Variants in D2HGDH observed in about 807,000 individuals in gnomAD.
D2HGDH encodes D-2-hydroxyglutarate dehydrogenase.
In D2HGDH, 31 loss-of-function variants were observed where a neutral mutation model predicts 46.9. The observed-to-expected ratio is 0.66, with a 90% confidence interval of 0.50 to 0.89. The LOEUF (loss-of-function observed/expected upper bound fraction) is 0.89, where lower values mean the gene tolerates loss of function less well. Among genes scored for constraint, D2HGDH ranks in the 40% least tolerant of loss-of-function variants. The pLI, the probability that D2HGDH is intolerant of heterozygous loss-of-function variation, is 0.00. For synonymous variants in D2HGDH, 364 were observed against 332.6 expected, an observed-to-expected ratio of 1.09 and a Z score of -1.03; for missense variants, 698 against 720.8, an observed-to-expected ratio of 0.97 and a Z score of 0.36.
At chr2:241,740,677 T>G (rs1694196198) in intron 2 of D2HGDH, among the ~76,000 whole-genome samples, 1 of 152,228 alleles carries the variant, frequency 6.6e-6, no homozygotes, top group Non-Finnish European at 1.5e-5. Flanking sequence ...CTGGGCATGG[T>G]GGCTCATGCC....
chr2:241,755,560 C>A, intron 8 of D2HGDH: 1 of 1,427,538 alleles, frequency 7.0e-7, no homozygotes, highest in African/African-American at 1.4e-5. Flanking sequence ...CCAGGGTGCT[C>A]GGTGCTGTCG....
intron 9 of D2HGDH, among the ~76,000 whole-genome samples, chr2:241,761,911 G>A (rs1056152205): frequency 1.4e-4 from 22 of 152,048 alleles, no homozygotes; most frequent in South Asian, 6.2e-4. Context: ...GTGGATTTCC[G>A]TGGTTCTGGG....
intron 5 of D2HGDH, 145 bp from the exon 6 acceptor site, chr2:241,744,564 G>A: frequency 2.0e-6 from 2 of 1,001,300 alleles, no homozygotes; most frequent in Non-Finnish European, 3.0e-6. Context: ...TGTGTGGAGG[G>A]TGTCACTCGT....
chr2:241,751,262 C>T lies in D2HGDH; in HGVS notation c.1014C>T (p.Val338=), dbSNP rs752623097. 9 of 1,614,026 alleles carry T rather than the reference C, an allele frequency of 5.6e-6. No individual in the cohort carries two copies. The highest frequency in any genetic ancestry group is 2.7e-5 in the African/African-American group (2 of 75,062). The change falls in exon 8 of 10, where the codon GTC becomes GTT. Residue 338 remains valine (V), a synonymous_variant. Transcript: ENST00000321264. ...CACTTCTAGAGAGTCCGTTTTACGTCCTCATCGAGACTTCAGGCTCCAACG... is the reference window on the plus strand; with the variant it reads ...CACTTCTAGAGAGTCCGTTTTACGTTCTCATCGAGACTTCAGGCTCCAACG... ...ASPVQESPFY[V]LIETSGSNAG... is the part of the protein sequence containing the mutation.
chr2:241,735,331 G>T lies in D2HGDH; in HGVS notation c.107G>T (p.Cys36Phe), dbSNP rs762478969. Residue 36 changes from cysteine (C) to phenylalanine (F), a missense_variant, in exon 2 of 10, where the codon TGC becomes TTC. Coordinates refer to ENST00000321264, the MANE Select transcript of D2HGDH (RefSeq NM_152783.5). ...RPVGPLARRGCCSAPGTPEVP... is the reference protein window; with the variant it reads ...RPVGPLARRGFCSAPGTPEVP... ...GTTGGCCCCCTGGCCCGCAGAGGCT[G>T]CTGCTCCGCCCCGGGGACCCCCGAG... 8.4e-6 allele frequency: 13 copies of T among 1,546,826 alleles called. No individual in the cohort carries two copies. Among genetic ancestry groups the T allele is most frequent in the Admixed American group, 2.0e-5 (1 of 51,204 alleles).
rs1175191337 is a variant in D2HGDH, at chr2:241,742,372, C to T, written c.351-63C>T. On this transcript the variant is annotated intron_variant, in intron 3 of 9. Transcript: ENST00000321264. The surrounding 1 kb of genome is among the most constrained non-coding windows in gnomAD (Gnocchi z 4.8). ...GTCAGGCACTGGTCCTGCGGCGTGT[C>T]CTTGGGGATGGTGGCGTAGGGGTGG... 1 of 1,542,280 alleles carries T rather than the reference C, an allele frequency of 6.5e-7. No individual in the cohort carries two copies. The highest frequency in any genetic ancestry group is 2.4e-5 in the East Asian group (1 of 41,154).
intron 8 of D2HGDH, among the ~76,000 whole-genome samples, chr2:241,753,009 C>G (rs1218806771): frequency 6.6e-6 from 1 of 152,036 alleles, no homozygotes; most frequent in African/African-American, 2.4e-5. Flanking sequence ...CAGCCTGGTC[C>G]AGTCCTAGAC....
chr2:241,756,084 C>T, intron 9 of D2HGDH, 70 bp downstream of exon 9: 1 of 1,514,754 alleles, frequency 6.6e-7, no homozygotes, highest in Non-Finnish European at 8.8e-7. Context: ...CGTCACCCTG[C>T]CAGGCTTCGA....
Position 241,754,928 on chromosome 2 carries a change from A to C in D2HGDH, c.1141-921A>C, listed in dbSNP as rs1697918013. ...AAGTGTTTCTCTTAGAATTTCCTGAAATGATAGGGTCTCTGGAGGGGCAGG... is the reference window on the plus strand; with the variant it reads ...AAGTGTTTCTCTTAGAATTTCCTGACATGATAGGGTCTCTGGAGGGGCAGG... On this transcript the variant is annotated intron_variant, in intron 8 of 9. Transcript: ENST00000321264. The C allele has an allele frequency of 2.9e-6, 3 of 1,046,930 alleles. No individual in the cohort carries two copies. In the South Asian group the frequency reaches 4.9e-5, roughly 17 times the overall value. 64.9% of individuals were successfully genotyped at this position (1,046,930 alleles called of 1,614,324 possible).
At chr2:241,764,990 G>C (rs534816191) in intron 9 of D2HGDH, among the ~76,000 whole-genome samples, 54 of 152,230 alleles carry the variant, frequency 3.5e-4, no homozygotes, top group Non-Finnish European at 7.3e-4. Flanking sequence ...GAGAGCTGCT[G>C]CCCTGGGGGC....
intron 8 of D2HGDH, among the ~76,000 whole-genome samples, chr2:241,753,578 C>T (rs530127461): frequency 3.3e-4 from 50 of 152,346 alleles, no homozygotes; most frequent in Middle Eastern, 3.4e-3. Flanking sequence ...GGGGCTTGCG[C>T]AGGTCCAGCC....
intron 9 of D2HGDH, among the ~76,000 whole-genome samples, chr2:241,764,015 C>T (rs80116848): frequency 0.021 from 3,141 of 152,318 alleles, 188 homozygotes; most frequent in East Asian, 0.12. Flanking sequence ...TACTGCCCTC[C>T]GGCCTGGGTG....
At chr2:241,763,467 G>A (rs969664582) in intron 9 of D2HGDH, among the ~76,000 whole-genome samples, 12 of 152,206 alleles carry the variant, frequency 7.9e-5, no homozygotes, top group Non-Finnish European at 1.3e-4. Flanking sequence ...AGTGGGTCTC[G>A]CGGGACTGGA....
At chr2:241,740,387 C>T (rs1283134962) in intron 2 of D2HGDH, among the ~76,000 whole-genome samples, 2 of 152,182 alleles carry the variant, frequency 1.3e-5, no homozygotes, top group Non-Finnish European at 2.9e-5. Flanking sequence ...GGGACCGAGC[C>T]GACCTCACCA....
chr2:241,735,292 C>A lies in D2HGDH; in HGVS notation c.68C>A (p.Ser23Tyr). 6.5e-7 allele frequency: 1 copy of A among 1,527,528 alleles called. No individual in the cohort carries two copies. The highest frequency in any genetic ancestry group is 8.7e-7 in the Non-Finnish European group (1 of 1,144,086). The allele number at this position is 1,527,528 out of a possible 1,614,324, so 94.6% of individuals were successfully genotyped here. The stretch of plus-strand genomic sequence containing the variant: ...CGGGGTGCTCCGGGAGCCGCGGGTT[C>A]TTGGGGTCGGCCGGTTGGCCCCCTG... ...LLRGAPGAAG[S>Y]WGRPVGPLAR... The change falls in exon 2 of 10, where the codon TCT becomes TAT. Residue 23 changes from serine (S) to tyrosine (Y), a missense_variant. Physicochemically the swap from Ser to Tyr is moderately radical, Grantham distance 144. Transcript: ENST00000321264.
At chr2:241,762,380 T>G (rs979498715) in intron 9 of D2HGDH, among the ~76,000 whole-genome samples, 4 of 152,182 alleles carry the variant, frequency 2.6e-5, no homozygotes, top group Non-Finnish European at 5.9e-5. Flanking sequence ...TGCTTTTTCC[T>G]TTTTGCTGCT....
chr2:241,736,751 C>A (rs184945176), intron 2 of D2HGDH, among the ~76,000 whole-genome samples: 8 of 151,352 alleles, frequency 5.3e-5, no homozygotes, highest in Admixed American at 5.3e-4. Flanking sequence ...CTCACTGCGA[C>A]CTTCCCCTCC....
intron 6 of D2HGDH, among the ~76,000 whole-genome samples, chr2:241,745,675 T>A (rs148497508): frequency 1.4e-3 from 219 of 152,278 alleles, no homozygotes; most frequent in South Asian, 7.5e-3. Flanking sequence ...TGCCCTCCAC[T>A]CTCTTGTGTC....
chr2:241,738,848 C>T (rs138768845), intron 2 of D2HGDH, among the ~76,000 whole-genome samples: 3 of 152,346 alleles, frequency 2.0e-5, no homozygotes, highest in African/African-American at 7.2e-5. Flanking sequence ...TGAATGTCTG[C>T]TCAGTAGGTG....
Sources: allele counts gnomAD v4.1 joint callset (sites outside exome capture counted in the v4.1 genomes callset), GRCh38; gene constraint gnomAD v4.1.1; non-coding constraint Gnocchi (gnomAD v3.1); transcripts MANE v1.5; gene names NCBI Gene and HGNC (gene_info 2026-07-23, HGNC 2026-07-21).